GRIA2: variants seen among roughly 807,000 people sequenced by gnomAD.
The protein encoded by GRIA2 is glutamate ionotropic receptor AMPA type subunit 2.
GRIA2 carries 14 observed loss-of-function variants against 97.3 expected under a neutral mutation model. That is an observed-to-expected ratio of 0.14 (90% CI 0.10 to 0.23). The LOEUF (loss-of-function observed/expected upper bound fraction) is 0.23, where lower values mean the gene tolerates loss of function less well. Ranked by LOEUF, GRIA2 falls within the 10% of genes least tolerant of loss-of-function variation. The pLI, the probability that GRIA2 is intolerant of heterozygous loss-of-function variation, is 1.00. For missense variants in GRIA2, 558 were observed against 1,069.8 expected, an observed-to-expected ratio of 0.52 and a Z score of 6.67; for synonymous variants, 412 against 387.8, an observed-to-expected ratio of 1.06 and a Z score of -0.73.
chr4:157,348,384 G>A (rs1735855857), intron 12 of GRIA2, among the ~76,000 whole-genome samples: 1 of 152,064 alleles, frequency 6.6e-6, no homozygotes, highest in South Asian at 2.1e-4. Context: ...GACCACAAGT[G>A]TTCACCACCA....
At chr4:157,237,702 G>A (rs1422456050) in intron 2 of GRIA2, among the ~76,000 whole-genome samples, 2 of 152,096 alleles carry the variant, frequency 1.3e-5, no homozygotes, top group Non-Finnish European at 2.9e-5. Flanking sequence ...AGTCATGCAA[G>A]GCATTTGTTT....
chr4:157,333,575 C>G (rs1735155022), intron 8 of GRIA2, among the ~76,000 whole-genome samples: 2 of 151,832 alleles, frequency 1.3e-5, no homozygotes, highest in South Asian at 4.1e-4. Context: ...AGCTGTTGAA[C>G]TTTAATTTTT....
At chr4:157,251,738 T>A (rs1412945770) in intron 2 of GRIA2, among the ~76,000 whole-genome samples, 2 of 152,128 alleles carry the variant, frequency 1.3e-5, no homozygotes, top group African/African-American at 2.4e-5. Flanking sequence ...AAAATGTCTA[T>A]TTTTAAGATT....
chr4:157,280,311 A>G (rs564497272), intron 2 of GRIA2, among the ~76,000 whole-genome samples: 1 of 152,252 alleles, frequency 6.6e-6, no homozygotes, highest in African/African-American at 2.4e-5. Context: ...GAGCTTGTTG[A>G]AATCCCTTAG....
rs1491511239 is a variant in GRIA2 at position 157,355,961 on chromosome 4, ATG to A, written c.2044-3933_2044-3932del. Among the ~76,000 whole-genome samples the A allele has an allele frequency of 4.9e-3, 179 of 36,386 alleles. 1 individual carries two copies. The highest frequency in any genetic ancestry group is 0.018 in the East Asian group (14 of 780). The allele number at this position is 36,386 out of a possible 152,430, so 23.9% of individuals were successfully genotyped here. On this transcript the variant is annotated intron_variant, in intron 12 of 15. Coordinates refer to ENST00000264426, the MANE Select transcript of GRIA2 (RefSeq NM_001083619.3). ...TATATTAATATATATTTATATATTT[ATG>A]TATATTAATATATATATTTATATAT...
At chr4:157,281,383 G>A (rs1354468026) in intron 2 of GRIA2, among the ~76,000 whole-genome samples, 1 of 152,020 alleles carries the variant, frequency 6.6e-6, no homozygotes, top group African/African-American at 2.4e-5. Context: ...CATATTTTCA[G>A]TGAGTAGCTT....
intron 2 of GRIA2, among the ~76,000 whole-genome samples, chr4:157,302,425 G>A (rs1380690868): frequency 3.9e-5 from 6 of 152,124 alleles, no homozygotes; most frequent in Admixed American, 2.0e-4. Context: ...AGTTGGGTAA[G>A]ATAAGCCATA....
At chr4:157,281,970 C>G (rs1440431285) in intron 2 of GRIA2, among the ~76,000 whole-genome samples, 1 of 152,128 alleles carries the variant, frequency 6.6e-6, no homozygotes, top group Admixed American at 6.6e-5. Context: ...AAAATGTCCT[C>G]AGCCAGATTC....
chr4:157,221,637 G>C (rs1189322979), intron 1 of GRIA2, 30 bp from the exon 2 acceptor site: 1 of 1,612,048 alleles, frequency 6.2e-7, no homozygotes, highest in African/African-American at 1.3e-5. Context: ...CACTGACACT[G>C]TTCTCTTGCT....
At chr4:157,283,396 G>C (rs1732696734) in intron 2 of GRIA2, among the ~76,000 whole-genome samples, 1 of 151,816 alleles carries the variant, frequency 6.6e-6, no homozygotes, top group Non-Finnish European at 1.5e-5. Flanking sequence ...CATAATGAGT[G>C]TGAGGAAGAC....
chr4:157,223,822 A>G (rs954557926), intron 2 of GRIA2, among the ~76,000 whole-genome samples: 2 of 152,262 alleles, frequency 1.3e-5, no homozygotes, highest in Non-Finnish European at 2.9e-5. Flanking sequence ...CTGCAAAAAT[A>G]ACATATGTCC....
chr4:157,317,085 T>C (rs1434665669), intron 4 of GRIA2, among the ~76,000 whole-genome samples: 1 of 152,226 alleles, frequency 6.6e-6, no homozygotes, highest in Non-Finnish European at 1.5e-5. Context: ...TAATGTCCCT[T>C]TGGACTAAAT....
chr4:157,237,149 CA>C (rs1041310531), intron 2 of GRIA2, among the ~76,000 whole-genome samples: 2 of 151,856 alleles, frequency 1.3e-5, no homozygotes, highest in African/African-American at 4.8e-5. Flanking sequence ...ATTATGTTTC[CA>C]GATAAATCAT....
chr4:157,283,547 GCAAAA>G, intron 2 of GRIA2, among the ~76,000 whole-genome samples: 1 of 151,900 alleles, frequency 6.6e-6, no homozygotes, highest in African/African-American at 2.4e-5. Flanking sequence ...TTTCTTCAGT[GCAAAA>G]ATTCATCAGA....
rs533701762 is a variant in GRIA2, at chr4:157,338,631, A to G, written c.1844+1884A>G. ...ATGAGTCATGACACTACAATTTCAC[A>G]TGTAGTAACTTTTATTTCCTGGTAG... On this transcript the variant is annotated intron_variant, in intron 11 of 15. Coordinates refer to ENST00000264426, the MANE Select transcript of GRIA2 (RefSeq NM_001083619.3). Among the ~76,000 whole-genome samples, 12 of 152,190 alleles carry G rather than the reference A, an allele frequency of 7.9e-5. 1 individual carries two copies. The highest frequency in any genetic ancestry group is 7.8e-4 in the East Asian group (4 of 5,144).
chr4:157,269,371 A>G (rs1731914732), intron 2 of GRIA2, among the ~76,000 whole-genome samples: 1 of 152,082 alleles, frequency 6.6e-6, no homozygotes, highest in African/African-American at 2.4e-5. Flanking sequence ...TTGCTCCCCA[A>G]AACGGTTCTG....
chr4:157,330,342 GA>G (rs1734994502), intron 6 of GRIA2, among the ~76,000 whole-genome samples: 2 of 151,882 alleles, frequency 1.3e-5, no homozygotes, highest in Non-Finnish European at 2.9e-5. Flanking sequence ...CCATTCATGG[GA>G]AATATCGTCA....
intron 6 of GRIA2, among the ~76,000 whole-genome samples, chr4:157,326,763 T>TG (rs1734819836): frequency 6.6e-6 from 1 of 152,212 alleles, no homozygotes; most frequent in African/African-American, 2.4e-5. Context: ...GAAATCATAC[T>TG]TTAGAACTGT....
intron 2 of GRIA2, among the ~76,000 whole-genome samples, chr4:157,246,241 A>C (rs1730726654): frequency 6.6e-6 from 1 of 152,082 alleles, no homozygotes; most frequent in South Asian, 2.1e-4. Context: ...TATTGTTGCT[A>C]TCTGATATTG....
Sources: allele counts gnomAD v4.1 joint callset (sites outside exome capture counted in the v4.1 genomes callset), GRCh38; gene constraint gnomAD v4.1.1; transcripts MANE v1.5; gene names NCBI Gene and HGNC (gene_info 2026-07-23, HGNC 2026-07-21).